The following OSBP2 variants were observed in gnomAD, a reference collection of about 807,000 sequenced individuals.
OSBP2 encodes oxysterol binding protein 2.
Under a neutral mutation model 96.0 loss-of-function variants are expected in OSBP2, and 66 were observed. That is an observed-to-expected ratio of 0.69 (90% confidence interval 0.56 to 0.84). The LOEUF is 0.84. OSBP2 is among the 40% of genes least tolerant of loss of function. The probability of loss-of-function intolerance (pLI) is 0.00; values close to 1 mark genes in which losing one functional copy is unlikely to be tolerated. For missense variants in OSBP2, 1,038 were observed against 1,222.7 expected (o/e 0.85, Z 2.25); for synonymous variants, 525 against 520.9 (o/e 1.01, Z -0.11).
intron 2 of OSBP2, among the ~76,000 whole-genome samples, chr22:30,813,518 T>TAAA: frequency 6.6e-6 from 1 of 152,034 alleles, no homozygotes; most frequent in East Asian, 1.9e-4. Context: ...GCTTGCTCTT[T>TAAA]GACTTTGAAC....
chr22:30,824,545 G>A (rs1012863517), intron 2 of OSBP2, among the ~76,000 whole-genome samples: 8 of 152,170 alleles, frequency 5.3e-5, no homozygotes, highest in Admixed American at 1.3e-4. Flanking sequence ...GGGGTTGCGG[G>A]AAGCCTAGTT....
intron 2 of OSBP2, among the ~76,000 whole-genome samples, chr22:30,846,222 C>T (rs1476852692): frequency 6.6e-6 from 1 of 152,052 alleles, no homozygotes; most frequent in African/African-American, 2.4e-5. Flanking sequence ...TCTTGGCTCA[C>T]TGCAACCTCT....
chr22:30,850,242 G>A (rs1265784848), intron 2 of OSBP2, among the ~76,000 whole-genome samples: 1 of 151,454 alleles, frequency 6.6e-6, no homozygotes, highest in Non-Finnish European at 1.5e-5. Context: ...AGGAGGCGGA[G>A]GTTGCAGTGA....
intron 2 of OSBP2, among the ~76,000 whole-genome samples, chr22:30,841,500 C>G (rs1197481185): frequency 6.6e-6 from 1 of 152,176 alleles, no homozygotes; most frequent in African/African-American, 2.4e-5. Flanking sequence ...CAGTACTTCT[C>G]TCCTTTGTAC....
rs1298920653 is a variant in OSBP2 at position 30,848,694 on chromosome 22, C to T, written c.854-21735C>T. On this transcript the variant is annotated intron_variant, in intron 2 of 13. Coordinates refer to ENST00000332585, the MANE Select transcript of OSBP2 (RefSeq NM_030758.4). ...GAAATCAAACAATAGGACGTGTGCC[C>T]TCTTTCATTCAGTATCATGCTTTTG... Among the ~76,000 whole-genome samples, 13 of 152,092 alleles carry T rather than the reference C, an allele frequency of 8.5e-5. No homozygotes were observed. In the East Asian group the frequency reaches 2.5e-3, roughly 29 times the overall value.
intron 2 of OSBP2, among the ~76,000 whole-genome samples, chr22:30,757,477 G>A (rs945358987): frequency 7.9e-5 from 12 of 151,848 alleles, no homozygotes; most frequent in African/African-American, 2.9e-4. Context: ...GAGTACAATG[G>A]CATGATCTCG....
At chr22:30,857,686 G>A (rs181384677) in intron 2 of OSBP2, among the ~76,000 whole-genome samples, 57 of 152,332 alleles carry the variant, frequency 3.7e-4, no homozygotes, top group Non-Finnish European at 6.3e-4. Context: ...TTTTGTAGAT[G>A]AAGACTGAAG....
intron 1 of OSBP2, among the ~76,000 whole-genome samples, chr22:30,699,027 C>T (rs546779897): frequency 1.3e-5 from 2 of 152,092 alleles, no homozygotes; most frequent in South Asian, 2.1e-4. Flanking sequence ...CTACACCCTC[C>T]CACTCCCAGG....
chr22:30,695,848 T>C (rs1320688039), intron 1 of OSBP2, among the ~76,000 whole-genome samples: 1 of 152,114 alleles, frequency 6.6e-6, no homozygotes, highest in Non-Finnish European at 1.5e-5. Context: ...TGCTTGGCAG[T>C]TGTGGGGCTT....
intron 2 of OSBP2, among the ~76,000 whole-genome samples, chr22:30,796,652 C>T (rs2145834377): frequency 6.6e-6 from 1 of 152,122 alleles, no homozygotes; most frequent in Admixed American, 6.6e-5. Context: ...ATTACAGGCT[C>T]ATGCCACCAA....
chr22:30,888,526 G>A (rs1235866493), intron 5 of OSBP2, among the ~76,000 whole-genome samples, 186 bp downstream of exon 5: 1 of 152,160 alleles, frequency 6.6e-6, no homozygotes, highest in Non-Finnish European at 1.5e-5. Flanking sequence ...ACAAGAGTTT[G>A]AGACCAGCCT....
intron 2 of OSBP2, among the ~76,000 whole-genome samples, chr22:30,778,850 A>G (rs1214016158): frequency 6.6e-6 from 1 of 151,848 alleles, no homozygotes; most frequent in Non-Finnish European, 1.5e-5. Context: ...AGCCTGGCCA[A>G]CAAGGTAAAA....
rs1253527562 is a variant in OSBP2 at position 30,870,035 on chromosome 22, G to T, written c.854-394G>T. ...AAGGAGCCCAGGCTCCATTCTGGGGGCCTCTGTGCCCAGAGAGCAGTCTCC... is the reference window on the plus strand; with the variant it reads ...AAGGAGCCCAGGCTCCATTCTGGGGTCCTCTGTGCCCAGAGAGCAGTCTCC... On this transcript the variant is annotated intron_variant, in intron 2 of 13. Coordinates refer to ENST00000332585, the MANE Select transcript of OSBP2 (RefSeq NM_030758.4). This position sits in a 1 kb window ranked among gnomAD's most constrained non-coding sequence, Gnocchi z 4.1. Among the ~76,000 whole-genome samples, 1 of 152,184 alleles carries T rather than the reference G, an allele frequency of 6.6e-6. No homozygotes were observed. Among genetic ancestry groups the T allele is most frequent in the Non-Finnish European group, 1.5e-5 (1 of 68,016 alleles).
At chr22:30,868,974 C>A (rs1043092021) in intron 2 of OSBP2, among the ~76,000 whole-genome samples, 13 of 152,242 alleles carry the variant, frequency 8.5e-5, no homozygotes, top group African/African-American at 3.1e-4. Context: ...TATTTCTAAA[C>A]AAGGCATTTC....
At chr22:30,893,085 T>C in intron 8 of OSBP2, 37 bp from the exon 9 acceptor site, 1 of 1,609,004 alleles carries the variant, frequency 6.2e-7, no homozygotes, top group East Asian at 2.2e-5. Flanking sequence ...TGGGCTCATG[T>C]CTGGCAGATG....
intron 2 of OSBP2, among the ~76,000 whole-genome samples, chr22:30,789,348 A>G (rs2090641070): frequency 6.6e-6 from 1 of 152,178 alleles, no homozygotes. Flanking sequence ...TCTGGCAAGC[A>G]AGTGGGGGCC....
chr22:30,760,642 C>G (rs527445272), intron 2 of OSBP2, among the ~76,000 whole-genome samples: 2 of 152,050 alleles, frequency 1.3e-5, no homozygotes, highest in African/African-American at 4.8e-5. Context: ...ATGGTGAAAC[C>G]CTGTCTCTAC....
intron 1 of OSBP2, among the ~76,000 whole-genome samples, chr22:30,704,632 A>T (rs2089220332): frequency 6.6e-6 from 1 of 151,406 alleles, no homozygotes; most frequent in Non-Finnish European, 1.5e-5. Context: ...TTTTTGGCTA[A>T]TTTTTGTATT....
chr22:30,833,471 A>T (rs1459975067), intron 2 of OSBP2, among the ~76,000 whole-genome samples: 1 of 152,196 alleles, frequency 6.6e-6, no homozygotes, highest in Non-Finnish European at 1.5e-5. Context: ...CTACATGTGT[A>T]ATTGAGCTCT....
Sources: allele counts gnomAD v4.1 joint callset (sites outside exome capture counted in the v4.1 genomes callset), GRCh38; gene constraint gnomAD v4.1.1; non-coding constraint Gnocchi (gnomAD v3.1); transcripts MANE v1.5; gene names NCBI Gene and HGNC (gene_info 2026-07-23, HGNC 2026-07-21).